PTPRD: variants seen among roughly 807,000 people sequenced by gnomAD.
PTPRD encodes protein tyrosine phosphatase receptor type D.
Under a neutral mutation model 214.5 loss-of-function variants are expected in PTPRD, and 34 were observed. That is an observed-to-expected ratio of 0.16 (90% CI 0.12 to 0.21). The LOEUF (loss-of-function observed/expected upper bound fraction) is 0.21. Ranked by LOEUF, PTPRD falls within the 10% of genes least tolerant of loss-of-function variation. The probability of loss-of-function intolerance (pLI) is 1.00; values close to 1 mark genes in which losing one functional copy is unlikely to be tolerated. For missense variants in PTPRD, 2,545 were observed against 2,398.7 expected (o/e 1.06, Z -1.27); for synonymous variants, 1,128 against 845.7 (o/e 1.33, Z -5.79).
At chr9:9,386,468 C>G (rs190532879) in intron 9 of PTPRD, among the ~76,000 whole-genome samples, 196 of 152,140 alleles carry the variant, frequency 1.3e-3, no homozygotes, top group African/African-American at 4.6e-3. Flanking sequence ...TTGCATTAGC[C>G]TTTCTGGAAG....
intron 11 of PTPRD, among the ~76,000 whole-genome samples, chr9:8,803,922 A>T (rs2096621239): frequency 3.4e-5 from 5 of 148,944 alleles, no homozygotes; most frequent in African/African-American, 1.2e-4. Flanking sequence ...TATCTACTGG[A>T]TTTTTTTTTT....
chr9:9,470,390 T>A (rs566938044), intron 8 of PTPRD, among the ~76,000 whole-genome samples: 1 of 152,290 alleles, frequency 6.6e-6, no homozygotes, highest in South Asian at 2.1e-4. Flanking sequence ...TTTTGTACAG[T>A]TTCAAAAGTC....
chr9:9,691,920 T>G (rs2097278780), intron 7 of PTPRD, among the ~76,000 whole-genome samples: 1 of 152,074 alleles, frequency 6.6e-6, no homozygotes, highest in African/African-American at 2.4e-5. Flanking sequence ...TTTGTATGCC[T>G]TCTTCTGGGA....
intron 10 of PTPRD, among the ~76,000 whole-genome samples, chr9:9,083,505 T>A (rs563696484): frequency 1.9e-4 from 29 of 152,260 alleles, no homozygotes; most frequent in African/African-American, 6.5e-4. Flanking sequence ...TAAGGCTTCA[T>A]GACTAAAACA....
intron 4 of PTPRD, among the ~76,000 whole-genome samples, chr9:10,012,078 C>G (rs1308342660): frequency 2.0e-5 from 3 of 151,860 alleles, no homozygotes; most frequent in Non-Finnish European, 2.9e-5. Flanking sequence ...GTGAAAAGTA[C>G]TAACATATGT....
intron 3 of PTPRD, among the ~76,000 whole-genome samples, chr9:10,112,998 A>G (rs1170769534): frequency 3.3e-5 from 5 of 152,208 alleles, no homozygotes; most frequent in Non-Finnish European, 7.3e-5. Context: ...CTGCCCAGAC[A>G]CAGGAAGGCT....
At chr9:8,528,497 A>C (rs1262145618) in intron 15 of PTPRD, 94 bp downstream of exon 15, 1 of 1,143,848 alleles carries the variant, frequency 8.7e-7, no homozygotes, top group African/African-American at 1.6e-5. Context: ...CAGTACCTAG[A>C]AATAAAAAAT....
At chr9:9,826,605 C>T (rs2052947049) in intron 5 of PTPRD, among the ~76,000 whole-genome samples, 1 of 151,934 alleles carries the variant, frequency 6.6e-6, no homozygotes, top group Non-Finnish European at 1.5e-5. Context: ...ACATATTCTG[C>T]TATTTGGTAC....
chr9:8,570,646 T>C (rs1232717559), intron 14 of PTPRD, among the ~76,000 whole-genome samples: 2 of 152,158 alleles, frequency 1.3e-5, no homozygotes, highest in Non-Finnish European at 2.9e-5. Flanking sequence ...CAAAACTTAC[T>C]TCATCATTTA....
chr9:8,488,541 T>G (rs971775348), intron 27 of PTPRD, among the ~76,000 whole-genome samples: 6 of 152,222 alleles, frequency 3.9e-5, no homozygotes, highest in Admixed American at 3.3e-4. Context: ...GTACTCATTG[T>G]GTTCCTCAGG....
chr9:9,633,495 T>C (rs1244985017), intron 7 of PTPRD, among the ~76,000 whole-genome samples: 1 of 149,236 alleles, frequency 6.7e-6, no homozygotes, highest in Non-Finnish European at 1.5e-5. Context: ...CCACTGCATA[T>C]AGAATTTAGA....
chr9:9,881,515 TATC>T (rs1221105946), intron 5 of PTPRD, among the ~76,000 whole-genome samples: 1 of 152,090 alleles, frequency 6.6e-6, no homozygotes, highest in East Asian at 1.9e-4. Context: ...AAACAGAAAA[TATC>T]ATCCTACAAG....
At chr9:9,798,716 A>G (rs921876735) in intron 5 of PTPRD, among the ~76,000 whole-genome samples, 1 of 152,236 alleles carries the variant, frequency 6.6e-6, no homozygotes, top group Non-Finnish European at 1.5e-5. Context: ...TATGTAGAGA[A>G]GAGAACAAGA....
intron 12 of PTPRD, among the ~76,000 whole-genome samples, chr9:8,684,914 A>C (rs1381947444): frequency 6.6e-6 from 1 of 152,092 alleles, no homozygotes; most frequent in Admixed American, 6.6e-5. Context: ...CACAAACTTC[A>C]CAATCCTAGA....
chr9:10,463,993 A>T (rs908589856), intron 2 of PTPRD, among the ~76,000 whole-genome samples: 2 of 152,240 alleles, frequency 1.3e-5, no homozygotes, highest in African/African-American at 4.8e-5. Flanking sequence ...AATCAGGAGA[A>T]TAACTCTTTA....
chr9:10,539,186 T>A (rs929553644), intron 2 of PTPRD, among the ~76,000 whole-genome samples: 3 of 152,214 alleles, frequency 2.0e-5, no homozygotes, highest in Non-Finnish European at 4.4e-5. Context: ...TGTTTATCAC[T>A]TTTTTGTTGT....
chr9:9,681,111 CT>C (rs2097059681), intron 7 of PTPRD, among the ~76,000 whole-genome samples: 1 of 151,726 alleles, frequency 6.6e-6, no homozygotes, highest in African/African-American at 2.4e-5. Context: ...ATAAATATTT[CT>C]AAAAAATGGA....
intron 4 of PTPRD, among the ~76,000 whole-genome samples, chr9:9,940,112 T>C (rs1466260696): frequency 2.6e-5 from 4 of 152,164 alleles, no homozygotes; most frequent in African/African-American, 9.7e-5. Flanking sequence ...GAAGGTATGA[T>C]GGAGTTGATA....
In PTPRD at chr9:9,589,974, T is replaced by C. The variant is rs554002161; in HGVS notation, c.-286-15193A>G. 2.6e-5 allele frequency among the ~76,000 whole-genome samples: 4 copies of C among 152,104 alleles called. 1 individual carries two copies. The highest frequency in any genetic ancestry group is 9.6e-5 in the African/African-American group (4 of 41,540). ...TCAAACTATTCATACATTGTGATTC[T>C]CATTATGATTCCTCTTATTCAAAAG... On this transcript the variant is annotated intron_variant, in intron 7 of 45. Transcript: ENST00000381196.
Sources: gnomAD v4.1 joint callset for allele counts (sites outside exome capture counted in the v4.1 genomes callset) on GRCh38, gnomAD v4.1.1 for gene constraint, MANE v1.5 for transcripts, NCBI Gene and HGNC (gene_info 2026-07-23, HGNC 2026-07-21) for gene names.